The following SERPINA5 variants were observed in gnomAD, a reference collection of about 807,000 sequenced individuals.
The protein encoded by SERPINA5 is plasma serine protease inhibitor.
In SERPINA5, 25 loss-of-function variants were observed where a neutral mutation model predicts 25.3. The observed-to-expected ratio is 0.99, with a 90% CI of 0.72 to 1.38. The LOEUF (loss-of-function observed/expected upper bound fraction) is 1.38. Among genes scored for constraint, SERPINA5 ranks in the 40% most tolerant of loss-of-function variants. The pLI, the probability that SERPINA5 is intolerant of heterozygous loss-of-function variation, is 0.00. For synonymous variants in SERPINA5, 234 were observed against 206.2 expected (o/e 1.14, Z -1.16); for missense variants, 599 against 509.5 (o/e 1.18, Z -1.69).
At chr14:94,589,598 A>T (rs1885210192) in intron 3 of SERPINA5, among the ~76,000 whole-genome samples, 1 of 152,222 alleles carries the variant, frequency 6.6e-6, no homozygotes, top group Non-Finnish European at 1.5e-5. Context: ...AAAACCATTC[A>T]TTTCCAGGAT....
rs1481967610 is a variant in SERPINA5 at position 94,590,057 on chromosome 14, C to T, written c.636C>T (p.Ser212=). 6.3e-7 allele frequency: 1 copy of T among 1,585,884 alleles called. No homozygotes were observed. The highest frequency in any genetic ancestry group is 2.3e-5 in the East Asian group (1 of 44,160). The change falls in exon 4 of 6, where the codon AGC becomes AGT. Residue 212 remains serine (S), a synonymous_variant. Transcript: ENST00000329597. ...YIFFKAKWET[S]FNHKGTQEQD... is the part of the protein sequence containing the mutation. ...CATCTTTAGCTAAGTGGGAGACAAG[C>T]TTCAACCACAAAGGCACCCAAGAGC...
intron 2 of SERPINA5, among the ~76,000 whole-genome samples, chr14:94,585,764 CGTGTGTGTGTGTGTGTGTGTGTGT>C (rs3138588): frequency 6.9e-6 from 1 of 145,774 alleles, no homozygotes; most frequent in Non-Finnish European, 1.5e-5. Context: ...CAGGCTCACA[CGTGTGTGTGTGTGTGTGTGTGTGT>C]GTGTGTGTGT....
chr14:94,584,037 T>A (rs1423471815), intron 2 of SERPINA5, among the ~76,000 whole-genome samples: 1 of 152,182 alleles, frequency 6.6e-6, no homozygotes, highest in Non-Finnish European at 1.5e-5. Context: ...GTTAGGATAA[T>A]GATACTAACT....
chr14:94,590,678 GA>G, intron 4 of SERPINA5, 70 bp from the exon 5 acceptor site: 1 of 1,508,238 alleles, frequency 6.6e-7, no homozygotes, highest in Non-Finnish European at 9.0e-7. Context: ...AGTGCATTAT[GA>G]ATCCAAGGGG....
chr14:94,587,569 T>C lies in SERPINA5; in HGVS notation c.207T>C (p.Pro69=), dbSNP rs1885134862. The C allele has an allele frequency of 6.2e-7, 1 of 1,613,938 alleles. No homozygotes were observed. Among genetic ancestry groups the C allele is most frequent in the African/African-American group, 1.3e-5 (1 of 74,938 alleles). The change falls in exon 3 of 6, where the codon CCT becomes CCC. Residue 69 remains proline (P), a synonymous_variant. Transcript: ENST00000329597. ...CCAGCCAGAGCATCTTCTTCTCCCC[T>C]GTGAGCATCTCCATGAGCCTGGCCA... The part of the protein sequence containing the change: ...AAPSQSIFFS[P]VSISMSLAML...
chr14:94,582,288 T>C (rs930366805), intron 2 of SERPINA5: 2 of 152,252 alleles, frequency 1.3e-5, no homozygotes, highest in Non-Finnish European at 2.9e-5. Flanking sequence ...CCAGTGTCCT[T>C]GCTCATAGAT....
At chr14:94,585,062 A>T (rs900257039) in intron 2 of SERPINA5, among the ~76,000 whole-genome samples, 1 of 152,152 alleles carries the variant, frequency 6.6e-6, no homozygotes, top group Non-Finnish European at 1.5e-5. Flanking sequence ...AATCAGGAAG[A>T]TGCAGCCAGG....
chr14:94,588,052 T>C, intron 3 of SERPINA5, 71 bp downstream of exon 3: 1 of 1,534,176 alleles, frequency 6.5e-7, no homozygotes, highest in Non-Finnish European at 8.8e-7. Context: ...AATACCCAAT[T>C]CCCTCACATA....
chr14:94,587,316 C>A lies in SERPINA5; in HGVS notation c.-17-30C>A, dbSNP rs764796853. ...GTCAGCACCTGGACCAGCTCCACCC[C>A]TCTCTGAGGACACCTTCTTTCCCTT... On this transcript the variant is annotated intron_variant, in intron 2 of 5. Coordinates refer to ENST00000329597, the MANE Select transcript of SERPINA5 (RefSeq NM_000624.6). 3 of 1,542,500 alleles carry A rather than the reference C, an allele frequency of 1.9e-6. No homozygotes were observed. The East Asian group carries it at 6.7e-5, about 35-fold the overall frequency.
chr14:94,590,433 GC>G, intron 4 of SERPINA5, 122 bp downstream of exon 4: 2 of 1,251,284 alleles, frequency 1.6e-6, no homozygotes, highest in Non-Finnish European at 2.2e-6. Context: ...CTGCCTCCAG[GC>G]CCAGAGGCAT....
chr14:94,587,743 G>A lies in SERPINA5; in HGVS notation c.381G>A (p.Leu127=), dbSNP rs763315863. ...ELNQPRDGFQ[L]SLGNALFTDL... is the part of the protein sequence containing the mutation. ...ACCAGCCCAGAGATGGCTTCCAGCT[G>A]AGCCTCGGCAATGCCCTTTTCACCG... Residue 127 remains leucine (L), a synonymous_variant, in exon 3 of 6, where the codon CTG becomes CTA. Coordinates refer to ENST00000329597, the MANE Select transcript of SERPINA5 (RefSeq NM_000624.6). 1.9e-5 allele frequency: 31 copies of A among 1,614,066 alleles called. No homozygotes were observed. Among genetic ancestry groups the A allele is most frequent in the Non-Finnish European group, 2.5e-5 (29 of 1,180,056 alleles).
At chr14:94,585,852 G>A (rs899171868) in intron 2 of SERPINA5, among the ~76,000 whole-genome samples, 7 of 151,916 alleles carry the variant, frequency 4.6e-5, no homozygotes, top group African/African-American at 1.7e-4. Context: ...GCCTCAGATG[G>A]GGCTTTTGCC....
chr14:94,587,863 G>A lies in SERPINA5; in HGVS notation c.501G>A (p.Gly167=), dbSNP rs1203760187. 6.2e-6 allele frequency: 10 copies of A among 1,613,898 alleles called. No homozygotes were observed. The highest frequency in any genetic ancestry group is 1.3e-5 in the African/African-American group (1 of 74,924). ...CTACCAACTTTAGGGACTCTGCAGG[G>A]GCCATGAAGCAGATCAATGATTATG... The part of the protein sequence containing the change: ...TFPTNFRDSA[G]AMKQINDYVA... Residue 167 remains glycine, a synonymous_variant, in exon 3 of 6, where the codon GGG becomes GGA. Transcript: ENST00000329597.
intron 3 of SERPINA5, among the ~76,000 whole-genome samples, chr14:94,588,525 C>T (rs1885170632): frequency 6.6e-6 from 1 of 152,152 alleles, no homozygotes; most frequent in Admixed American, 6.5e-5. Flanking sequence ...TTCCTGCTCG[C>T]CTCTGCAGCT....
rs779485164 is a variant in SERPINA5 at position 94,592,091 on chromosome 14, C to T, written c.1073C>T (p.Ser358Leu). 1.1e-5 allele frequency: 18 copies of T among 1,613,612 alleles called. No homozygotes were observed. Among genetic ancestry groups the T allele is most frequent in the Admixed American group, 3.3e-5 (2 of 59,986 alleles). ...AAAGCTGTGGTGGAGGTGGACGAGTCGGGAACCAGAGCAGCGGCAGCCACG... is the reference window on the plus strand; with the variant it reads ...AAAGCTGTGGTGGAGGTGGACGAGTTGGGAACCAGAGCAGCGGCAGCCACG... ...VHKAVVEVDE[S>L]GTRAAAATGT... The change falls in exon 6 of 6, where the codon TCG (serine) becomes TTG (leucine). Residue 358 changes from serine (S) to leucine (L), a missense_variant. Ser to Leu is a moderately radical substitution (Grantham distance 145). Transcript: ENST00000329597.
Position 94,587,804 on chromosome 14 carries a change from G to C in SERPINA5, c.442G>C (p.Ala148Pro), listed in dbSNP as rs749618924. The C allele has an allele frequency of 6.2e-7, 1 of 1,613,792 alleles. No homozygotes were observed. The highest frequency in any genetic ancestry group is 1.3e-5 in the African/African-American group (1 of 74,926). ...VVDLQDTFVS[A>P]MKTLYLADTF... ...AGACCTGCAGGACACCTTCGTAAGT[G>C]CCATGAAGACGCTGTACCTGGCAGA... The change falls in exon 3 of 6, where the codon GCC becomes CCC. Residue 148 changes from alanine to proline, a missense_variant. Physicochemically the swap from Ala to Pro is conservative, Grantham distance 27. Coordinates refer to ENST00000329597, the MANE Select transcript of SERPINA5 (RefSeq NM_000624.6).
chr14:94,590,358 G>A (rs1462635847), intron 4 of SERPINA5, 47 bp downstream of exon 4: 1 of 1,537,878 alleles, frequency 6.5e-7, no homozygotes, highest in Admixed American at 1.9e-5. Flanking sequence ...CACAGCCCCA[G>A]GGAGACACAC....
chr14:94,587,229 C>A, intron 2 of SERPINA5, 117 bp from the exon 3 acceptor site: 1 of 969,698 alleles, frequency 1.0e-6, no homozygotes. Flanking sequence ...GCCATCCCTT[C>A]TCTTTGAAGC....
At position 94,587,446 on chromosome 14, in the gene SERPINA5, G is replaced by A; in HGVS notation, c.84G>A (p.Lys28=). 1.2e-6 allele frequency: 2 copies of A among 1,614,190 alleles called. No individual in the cohort carries two copies. The highest frequency in any genetic ancestry group is 1.1e-5 in the South Asian group (1 of 91,084). Residue 28 remains lysine, a synonymous_variant, in exon 3 of 6, where the codon AAG becomes AAA. Transcript: ENST00000329597. ...SLHRHHPREM[K]KRVEDLHVGA... ...ACCGCCACCACCCCCGGGAGATGAA[G>A]AAGAGAGTCGAGGACCTCCATGTAG...
Sources: allele counts gnomAD v4.1 joint callset (sites outside exome capture counted in the v4.1 genomes callset), GRCh38; gene constraint gnomAD v4.1.1; transcripts MANE v1.5; gene names NCBI Gene and HGNC (gene_info 2026-07-23, HGNC 2026-07-21).